The following KIF26B variants were observed in gnomAD, a reference collection of about 807,000 sequenced individuals.
The protein encoded by KIF26B is kinesin family member 26B.
KIF26B carries 63 observed loss-of-function variants against 151.2 expected under a neutral mutation model. The observed-to-expected ratio is 0.42, with a 90% CI of 0.34 to 0.51. KIF26B has a LOEUF of 0.51. Among genes scored for constraint, KIF26B ranks in the 20% least tolerant of loss-of-function variants. The pLI is 0.07. For missense variants in KIF26B, 2,813 were observed against 2,913.6 expected (o/e 0.97, Z 0.79); for synonymous variants, 1,357 against 1,262.1 (o/e 1.08, Z -1.59).
chr1:245,168,714 T>C (rs879392246), intron 2 of KIF26B, among the ~76,000 whole-genome samples: 3 of 152,196 alleles, frequency 2.0e-5, no homozygotes, highest in Admixed American at 6.5e-5. Context: ...TCTCTTTTTT[T>C]CTGCTCTTTC....
intron 6 of KIF26B, among the ~76,000 whole-genome samples, chr1:245,605,035 T>A (rs1321746077): frequency 6.6e-6 from 1 of 152,128 alleles, no homozygotes; most frequent in Non-Finnish European, 1.5e-5. Flanking sequence ...GGTATGGTGG[T>A]GTATCTTTGA....
chr1:245,639,722 C>G (rs1572173168), intron 9 of KIF26B, among the ~76,000 whole-genome samples: 1 of 151,756 alleles, frequency 6.6e-6, no homozygotes, highest in Admixed American at 6.6e-5. Flanking sequence ...CTTCATTGAC[C>G]CATTGATCAT....
rs114129112 is a variant in KIF26B at position 245,354,409 on chromosome 1, G to A, written c.466-12425G>A. ...AATGACAGGCTCTGTGACCAGCCTC[G>A]TAAGCCATGAACCAGATCCACGGTT... is the stretch of plus-strand genomic sequence containing the variant. On this transcript the variant is annotated intron_variant, in intron 2 of 14. Transcript: ENST00000407071. Among the ~76,000 whole-genome samples the A allele has an allele frequency of 3.0e-3, 452 of 152,276 alleles. 3 individuals carry two copies. The highest frequency in any genetic ancestry group is 4.7e-3 in the Non-Finnish European group (319 of 68,026).
intron 2 of KIF26B, among the ~76,000 whole-genome samples, chr1:245,275,590 T>C (rs1446276965): frequency 6.6e-6 from 1 of 152,198 alleles, no homozygotes; most frequent in Non-Finnish European, 1.5e-5. Context: ...TAGGGAATCC[T>C]TTCCCCATTG....
intron 3 of KIF26B, among the ~76,000 whole-genome samples, chr1:245,387,045 G>A (rs945416412): frequency 3.3e-5 from 5 of 152,174 alleles, no homozygotes; most frequent in African/African-American, 1.2e-4. Context: ...ATGCTTCATA[G>A]CTTTGAATTA....
intron 3 of KIF26B, among the ~76,000 whole-genome samples, chr1:245,402,288 T>G (rs553587396): frequency 6.6e-6 from 1 of 152,320 alleles, no homozygotes; most frequent in Admixed American, 6.5e-5. Flanking sequence ...CACTCTGGGA[T>G]TTAAACAAAG....
intron 3 of KIF26B, among the ~76,000 whole-genome samples, chr1:245,368,706 G>A (rs1409228232): frequency 1.3e-5 from 2 of 152,188 alleles, no homozygotes; most frequent in African/African-American, 4.8e-5. Flanking sequence ...GGCCTCAAGA[G>A]TCCTTCACCA....
intron 4 of KIF26B, among the ~76,000 whole-genome samples, chr1:245,503,416 A>G (rs939864928): frequency 1.3e-5 from 2 of 152,186 alleles, no homozygotes; most frequent in African/African-American, 4.8e-5. Context: ...CATGTCCCAA[A>G]TTCACCATTT....
intron 5 of KIF26B, among the ~76,000 whole-genome samples, chr1:245,553,568 C>T (rs9970675): frequency 0.33 from 49,457 of 151,674 alleles, 8,514 homozygotes; most frequent in Non-Finnish European, 0.38. Flanking sequence ...TATGGATTGC[C>T]GTGTGACTTA....
At chr1:245,289,919 C>G (rs938284793) in intron 2 of KIF26B, among the ~76,000 whole-genome samples, 5 of 152,200 alleles carry the variant, frequency 3.3e-5, no homozygotes, top group Admixed American at 3.3e-4. Flanking sequence ...CTTTAGGTCT[C>G]TGCTTAGACA....
At chr1:245,693,226 G>A (rs2147963416) in intron 12 of KIF26B, among the ~76,000 whole-genome samples, 1 of 152,264 alleles carries the variant, frequency 6.6e-6, no homozygotes, top group South Asian at 2.1e-4. Flanking sequence ...ACCACAGGGA[G>A]GCTCAGCACC....
At chr1:245,237,421 G>A (rs558171547) in intron 2 of KIF26B, among the ~76,000 whole-genome samples, 26 of 152,186 alleles carry the variant, frequency 1.7e-4, no homozygotes, top group African/African-American at 5.5e-4. Flanking sequence ...TTTTTGTAAC[G>A]GGAAAGTGCT....
At chr1:245,451,613 T>TTTTTTTTC (rs1659394722) in intron 4 of KIF26B, among the ~76,000 whole-genome samples, 1 of 132,786 alleles carries the variant, frequency 7.5e-6, no homozygotes, top group Non-Finnish European at 1.6e-5. Context: ...TTTTTTTTTT[T>TTTTTTTTC]GGTTTTTGAG....
chr1:245,706,511 T>A lies in KIF26B; in HGVS notation c.*3905T>A, dbSNP rs930046535. On this transcript the variant is annotated 3_prime_UTR_variant, in exon 15 of 15. Transcript: ENST00000407071. ...GACTGTAAAATGACTAAAGATGAGT[T>A]AATTTCCAAACTAAAAAAGGAAGGA... is the stretch of plus-strand genomic sequence containing the variant. 2.6e-5 allele frequency: 4 copies of A among 152,350 alleles called. No individual in the cohort carries two copies. The highest frequency in any genetic ancestry group is 7.2e-5 in the African/African-American group (3 of 41,588). 9.4% of individuals were successfully genotyped at this position (152,350 alleles called of 1,614,324 possible).
rs973735956 is a variant in KIF26B, at chr1:245,488,253, T to C, written c.1167-52514T>C. ...ACTTTCCACTGGTACACTGTCTTCA[T>C]TGCTTTGATAGCAACTTTTAGGCTC... On this transcript the variant is annotated intron_variant, in intron 4 of 14. Transcript: ENST00000407071. This position sits in a 1 kb window ranked among gnomAD's most constrained non-coding sequence, Gnocchi z 4.6. Among the ~76,000 whole-genome samples the C allele has an allele frequency of 6.6e-6, 1 of 152,076 alleles. No homozygotes were observed. Among genetic ancestry groups the C allele is most frequent in the African/African-American group, 2.4e-5 (1 of 41,400 alleles).
In KIF26B at chr1:245,602,028, C is replaced by T. The variant is rs1337959812; in HGVS notation, c.1351-549C>T. ...CCCAAATAACACGTCGCAGACCAGT[C>T]TTTTATCACTGTTGCCCCTTGGAAC... On this transcript the variant is annotated intron_variant, in intron 5 of 14. Transcript: ENST00000407071. This position sits in a 1 kb window ranked among gnomAD's most constrained non-coding sequence, Gnocchi z 4.5. 6.6e-6 allele frequency among the ~76,000 whole-genome samples: 1 copy of T among 152,216 alleles called. No individual in the cohort carries two copies. Among genetic ancestry groups the T allele is most frequent in the Non-Finnish European group, 1.5e-5 (1 of 68,046 alleles).
chr1:245,662,283 GAT>G (rs779177176), intron 10 of KIF26B, among the ~76,000 whole-genome samples: 1 of 143,630 alleles, frequency 7.0e-6, no homozygotes, highest in Non-Finnish European at 1.5e-5. Flanking sequence ...TACACCCAAT[GAT>G]ATATATACTC....
intron 4 of KIF26B, among the ~76,000 whole-genome samples, chr1:245,477,449 C>A (rs1202013874): frequency 6.6e-6 from 1 of 151,716 alleles, no homozygotes; most frequent in Admixed American, 6.6e-5. Context: ...TCATCCACCA[C>A]AAACACAGTA....
In KIF26B at chr1:245,572,864, C is replaced by T. The variant is rs1454878052; in HGVS notation, c.1351-29713C>T. The stretch of plus-strand genomic sequence containing the variant: ...CTTTGCGGGGAAATGGTCAGGCGTC[C>T]TCTGTTGGCAAGGGCACCTGTCCCA... On this transcript the variant is annotated intron_variant, in intron 5 of 14. Transcript: ENST00000407071. The surrounding 1 kb of genome is among the most constrained non-coding windows in gnomAD (Gnocchi z 4.2). Among the ~76,000 whole-genome samples, 4 of 152,132 alleles carry T rather than the reference C, an allele frequency of 2.6e-5. No homozygotes were observed. Among genetic ancestry groups the T allele is most frequent in the African/African-American group, 7.2e-5 (3 of 41,426 alleles).
Sources: gnomAD v4.1 joint callset for allele counts (sites outside exome capture counted in the v4.1 genomes callset) on GRCh38, gnomAD v4.1.1 for gene constraint, Gnocchi (gnomAD v3.1) non-coding constraint, MANE v1.5 for transcripts, NCBI Gene and HGNC (gene_info 2026-07-23, HGNC 2026-07-21) for gene names.